KIF1C: variants seen among roughly 807,000 people sequenced by gnomAD.
KIF1C encodes the protein kinesin family member 1C.
In KIF1C, 61 loss-of-function variants were observed where a neutral mutation model predicts 126.5. The ratio of observed to expected loss-of-function variants is 0.48; its 90% CI spans 0.39 to 0.60. The LOEUF is 0.60. Ranked by LOEUF, KIF1C falls within the 20% of genes least tolerant of loss-of-function variation. The pLI is 0.00. For missense variants in KIF1C, 1,315 were observed against 1,489.2 expected (o/e 0.88, Z 1.93); for synonymous variants, 640 against 580.6 (o/e 1.10, Z -1.47).
At position 5,008,593 on chromosome 17, in the gene KIF1C, T is replaced by C. The variant is rs141404081; in HGVS notation, c.1491+1051T>C. On this transcript the variant is annotated intron_variant, in intron 16 of 22. Transcript: ENST00000320785. ...TCTCTGTTTTGTAAAGTCAGGTCCATCTGGGGGACTAAGCAAGCAGGGATC... is the reference window on the plus strand; with the variant it reads ...TCTCTGTTTTGTAAAGTCAGGTCCACCTGGGGGACTAAGCAAGCAGGGATC... Among the ~76,000 whole-genome samples the C allele has an allele frequency of 6.4e-3, 980 of 152,288 alleles. 12 individuals are homozygous for C. Among genetic ancestry groups the C allele is most frequent in the African/African-American group, 0.023 (952 of 41,548 alleles).
At chr17:5,013,626 C>T (rs768614350) in intron 16 of KIF1C, 27 bp from the exon 17 acceptor site, 5 of 1,591,876 alleles carry the variant, frequency 3.1e-6, no homozygotes, top group Admixed American at 1.7e-5. Flanking sequence ...GCTGGCTCCC[C>T]CTGACCACCT....
In KIF1C at chr17:5,004,549, C is replaced by A; in HGVS notation, c.941-18C>A. On this transcript the variant is annotated intron_variant, in intron 11 of 22. Coordinates refer to ENST00000320785, the MANE Select transcript of KIF1C (RefSeq NM_006612.6). Reference sequence around the variant, plus strand: ...GCCCCTCCCTCAGCTGAAGCTTTTCCATGCACTCCATTCACAGGGGGGAAC... The same window carrying A: ...GCCCCTCCCTCAGCTGAAGCTTTTCAATGCACTCCATTCACAGGGGGGAAC... 6.2e-7 allele frequency: 1 copy of A among 1,613,020 alleles called. No individual in the cohort carries two copies. The highest frequency in any genetic ancestry group is 8.5e-7 in the Non-Finnish European group (1 of 1,179,054).
chr17:5,018,067 A>G (rs775156001), intron 18 of KIF1C, among the ~76,000 whole-genome samples: 1 of 151,526 alleles, frequency 6.6e-6, no homozygotes, highest in Non-Finnish European at 1.5e-5. Flanking sequence ...TGTAGCCTCA[A>G]CCTCCCGGGT....
rs1404638852 is a variant in KIF1C at position 5,023,227 on chromosome 17, G to A, written c.2629-241G>A. Among the ~76,000 whole-genome samples the A allele has an allele frequency of 6.6e-6, 1 of 152,010 alleles. No individual in the cohort carries two copies. The highest frequency in any genetic ancestry group is 2.4e-5 in the African/African-American group (1 of 41,378). On this transcript the variant is annotated intron_variant, in intron 22 of 22. Transcript: ENST00000320785. This position sits in a 1 kb window ranked among gnomAD's most constrained non-coding sequence, Gnocchi z 4.2. ...GTAGAGACGGGGTTTCACCATGTTG[G>A]CCAGGATGGTCTTGATCTCTTGACC...
At position 5,001,341 on chromosome 17, in the gene KIF1C, T is replaced by C; in HGVS notation, c.303T>C (p.Ala101=). 1.2e-6 allele frequency: 2 copies of C among 1,614,138 alleles called. No individual in the cohort carries two copies. The highest frequency in any genetic ancestry group is 1.7e-6 in the Non-Finnish European group (2 of 1,179,982). ...VCIFAYGQTG[A]GKSYTMMGRQ... is the part of the protein sequence containing the mutation. Reference sequence around the variant, plus strand: ...TCTTTGCCTATGGGCAGACCGGGGCTGGGAAATCCTATACCATGATGGGGC... The same window carrying C: ...TCTTTGCCTATGGGCAGACCGGGGCCGGGAAATCCTATACCATGATGGGGC... The change falls in exon 5 of 23, where the codon GCT becomes GCC. Residue 101 remains alanine (A), a synonymous_variant. Transcript: ENST00000320785.
intron 7 of KIF1C, 34 bp downstream of exon 7, chr17:5,002,676 G>C (rs776812157): frequency 6.2e-7 from 1 of 1,612,024 alleles, no homozygotes; most frequent in South Asian, 1.1e-5. Flanking sequence ...GGGCAAGGGG[G>C]CCAGGGTTGG....
chr17:5,024,444 C>T lies in KIF1C; in HGVS notation c.*293C>T. The T allele has an allele frequency of 3.5e-6, 1 of 287,574 alleles. No individual in the cohort carries two copies. Among genetic ancestry groups the T allele is most frequent in the Non-Finnish European group, 6.2e-6 (1 of 161,522 alleles). The allele number at this position is 287,574 out of a possible 1,614,324, so 17.8% of individuals were successfully genotyped here. A position where few individuals can be genotyped will look rare whatever the true frequency, so the allele number is the denominator to read the frequency against. On this transcript the variant is annotated 3_prime_UTR_variant, in exon 23 of 23. Transcript: ENST00000320785. The stretch of plus-strand genomic sequence containing the variant: ...ACGCTGCTATGGGTGGGGTGGGGGG[C>T]TGGGGTGCTGCGTAGCCAGTGTTTG...
In KIF1C at chr17:5,007,358, G is replaced by T. The variant is rs373785457; in HGVS notation, c.1415+16G>T. The T allele has an allele frequency of 6.2e-6, 10 of 1,613,188 alleles. No individual in the cohort carries two copies. The African/African-American group carries it at 8.0e-5, about 13-fold the overall frequency. Reference sequence around the variant, plus strand: ...GGATGGAGAGGTGTGAGGGCCGACAGTTGGGGTCCTGGGTGGAGTTGGAGG... The same window carrying T: ...GGATGGAGAGGTGTGAGGGCCGACATTTGGGGTCCTGGGTGGAGTTGGAGG... On this transcript the variant is annotated intron_variant, in intron 15 of 22. Coordinates refer to ENST00000320785, the MANE Select transcript of KIF1C (RefSeq NM_006612.6).
rs1302442640 is a variant in KIF1C at position 5,003,983 on chromosome 17, C to T, written c.865-15C>T. On this transcript the variant is annotated splice_polypyrimidine_tract_variant and intron_variant, in intron 10 of 22. Coordinates refer to ENST00000320785, the MANE Select transcript of KIF1C (RefSeq NM_006612.6). ...AGTGACCCACCCTAACCTCCTTCCT[C>T]CTTTTATCCCCCAGCAATCAAAGAA... The T allele has an allele frequency of 6.2e-7, 1 of 1,613,070 alleles. No individual in the cohort carries two copies. The highest frequency in any genetic ancestry group is 8.5e-7 in the Non-Finnish European group (1 of 1,179,220).
rs1285766718 is a variant in KIF1C, at chr17:5,023,693, C to A, written c.2854C>A (p.Leu952Met). 1.9e-6 allele frequency: 3 copies of A among 1,591,474 alleles called. No homozygotes were observed. The highest frequency in any genetic ancestry group is 1.3e-5 in the African/African-American group (1 of 74,460). Residue 952 changes from leucine to methionine, a missense_variant, in exon 23 of 23, where the codon CTG (leucine) becomes ATG (methionine). Leu to Met is a conservative substitution (Grantham distance 15). Coordinates refer to ENST00000320785, the MANE Select transcript of KIF1C (RefSeq NM_006612.6). This position sits in a 1 kb window ranked among gnomAD's most constrained non-coding sequence, Gnocchi z 4.2. ...GCAGGAGCAGCTACGGCTGCAGGGA[C>A]TGCAGGGCTCTGGGGGCCGGGGCGG... is the stretch of plus-strand genomic sequence containing the variant. ...LKQEQLRLQG[L>M]QGSGGRGGGL... is the part of the protein sequence containing the mutation.
In KIF1C at chr17:5,000,237, G is replaced by A; in HGVS notation, c.-10G>A. Reference sequence around the variant, plus strand: ...TCCTCCAGCTGAGGAGGGCAGGAGTGTCTGGAGCTATGGCTGGTGCCTCGG... The same window carrying A: ...TCCTCCAGCTGAGGAGGGCAGGAGTATCTGGAGCTATGGCTGGTGCCTCGG... On this transcript the variant is annotated 5_prime_UTR_variant, in exon 3 of 23. Coordinates refer to ENST00000320785, the MANE Select transcript of KIF1C (RefSeq NM_006612.6). The A allele has an allele frequency of 6.4e-7, 1 of 1,558,178 alleles. No homozygotes were observed. Among genetic ancestry groups the A allele is most frequent in the Non-Finnish European group, 8.7e-7 (1 of 1,149,740 alleles).
intron 21 of KIF1C, among the ~76,000 whole-genome samples, chr17:5,021,694 C>T (rs1337986138): frequency 6.6e-6 from 1 of 152,100 alleles, no homozygotes; most frequent in Non-Finnish European, 1.5e-5. Context: ...ATTACCCAGG[C>T]TGGTCTTCAG....
chr17:5,023,161 C>T lies in KIF1C; in HGVS notation c.2629-307C>T, dbSNP rs1296821997. ...TCCTGAGTAGCTGGGACTACAGGCG[C>T]GCACCACCACACCCGGCTAATTTTT... is the stretch of plus-strand genomic sequence containing the variant. On this transcript the variant is annotated intron_variant, in intron 22 of 22. Coordinates refer to ENST00000320785, the MANE Select transcript of KIF1C (RefSeq NM_006612.6). The surrounding 1 kb of genome is among the most constrained non-coding windows in gnomAD (Gnocchi z 4.2). Among the ~76,000 whole-genome samples the T allele has an allele frequency of 3.9e-5, 6 of 151,976 alleles. No individual in the cohort carries two copies. The highest frequency in any genetic ancestry group is 1.2e-4 in the African/African-American group (5 of 41,350).
rs139605112 is a variant in KIF1C at position 5,003,320 on chromosome 17, T to G, written c.721-292T>G. On this transcript the variant is annotated intron_variant, in intron 8 of 22. Coordinates refer to ENST00000320785, the MANE Select transcript of KIF1C (RefSeq NM_006612.6). ...CCTCAGCCTCCCAAAGTGCTGGGAT[T>G]ACAGATGTGAGCCACCACACCCGGC... Among the ~76,000 whole-genome samples the G allele has an allele frequency of 3.8e-3, 581 of 152,308 alleles. 2 individuals are homozygous for G. The highest frequency in any genetic ancestry group is 6.6e-3 in the Non-Finnish European group (446 of 68,030).
intron 16 of KIF1C, among the ~76,000 whole-genome samples, chr17:5,012,755 C>T (rs1252337845): frequency 6.6e-6 from 1 of 152,092 alleles, no homozygotes; most frequent in Non-Finnish European, 1.5e-5. Context: ...AGGGAGACTT[C>T]CCCAGGCGTG....
chr17:5,003,627 T>C lies in KIF1C; in HGVS notation c.736T>C (p.Leu246=). The change falls in exon 9 of 23, where the codon TTG becomes CTG. Residue 246 remains leucine (L), a synonymous_variant. Transcript: ENST00000320785. ...LDSEKVSKIS[L]VDLAGSERAD... ...CTGACCCCAGGTCAGTAAGATCAGT[T>C]TGGTGGACCTTGCTGGGAGTGAGCG... 6.2e-6 allele frequency: 10 copies of C among 1,613,340 alleles called. No individual in the cohort carries two copies. Among genetic ancestry groups the C allele is most frequent in the Non-Finnish European group, 8.5e-6 (10 of 1,179,594 alleles).
At position 5,022,439 on chromosome 17, in the gene KIF1C, T is replaced by C. The variant is rs946623778; in HGVS notation, c.2358T>C (p.Tyr786=). Residue 786 remains tyrosine, a synonymous_variant, in exon 22 of 23, where the codon TAT becomes TAC. Coordinates refer to ENST00000320785, the MANE Select transcript of KIF1C (RefSeq NM_006612.6). The surrounding 1 kb of genome is among the most constrained non-coding windows in gnomAD (Gnocchi z 4.9). The stretch of plus-strand genomic sequence containing the variant: ...AGATGCGGGAGCTGTGTCGCACCTA[T>C]GGCAAGCCAGACGGCCCCGGAGACG... ...ALKMRELCRT[Y]GKPDGPGDAW... 6.3e-7 allele frequency: 1 copy of C among 1,582,752 alleles called. No homozygotes were observed. The highest frequency in any genetic ancestry group is 1.1e-5 in the South Asian group (1 of 87,572).
Position 5,020,417 on chromosome 17 carries a change from C to A in KIF1C, c.1751-75C>A. Reference sequence around the variant, plus strand: ...GGTGTCACAGCCCCTGTGCCAGATTCTCTATGCCTTGGGTGTAGGGATGGA... The same window carrying A: ...GGTGTCACAGCCCCTGTGCCAGATTATCTATGCCTTGGGTGTAGGGATGGA... On this transcript the variant is annotated intron_variant, in intron 19 of 22. Coordinates refer to ENST00000320785, the MANE Select transcript of KIF1C (RefSeq NM_006612.6). The surrounding 1 kb of genome is among the most constrained non-coding windows in gnomAD (Gnocchi z 5.8). The A allele has an allele frequency of 1.4e-6, 2 of 1,429,682 alleles. No homozygotes were observed. The highest frequency in any genetic ancestry group is 1.9e-6 in the Non-Finnish European group (2 of 1,048,488). The allele number at this position is 1,429,682 out of a possible 1,614,324, so 88.6% of individuals were successfully genotyped here.
rs1275742575 is a variant in KIF1C at position 5,014,918 on chromosome 17, G to C, written c.1666+81G>C. The C allele has an allele frequency of 6.6e-6, 8 of 1,213,116 alleles. No homozygotes were observed. In the East Asian group the frequency reaches 2.0e-4, roughly 31 times the overall value. 75.1% of individuals were successfully genotyped at this position (1,213,116 alleles called of 1,614,324 possible). A position where few individuals can be genotyped will look rare whatever the true frequency, so the allele number is the denominator to read the frequency against. On this transcript the variant is annotated intron_variant, in intron 18 of 22. Transcript: ENST00000320785. ...CCCACACACTGAACTCAGAGGTCTG[G>C]GTTGGGCACCAGGGAGTGCAGCCAT...
Sources: gnomAD v4.1 joint callset for allele counts (sites outside exome capture counted in the v4.1 genomes callset) on GRCh38, gnomAD v4.1.1 for gene constraint, Gnocchi (gnomAD v3.1) non-coding constraint, MANE v1.5 for transcripts, NCBI Gene and HGNC (gene_info 2026-07-23, HGNC 2026-07-21) for gene names.